The following POU6F2 variants were observed in gnomAD, a reference collection of about 807,000 sequenced individuals.
The protein encoded by POU6F2 is POU class 6 homeobox 2, also known as POU domain, class 6, transcription factor 2.
POU6F2 carries 31 observed loss-of-function variants against 71.3 expected under a neutral mutation model. The ratio of observed to expected loss-of-function variants is 0.43; its 90% CI spans 0.33 to 0.59. The LOEUF is 0.59. Among genes scored for constraint, POU6F2 ranks in the 20% least tolerant of loss-of-function variants. POU6F2 has a pLI of 0.04. For synonymous variants in POU6F2, 347 were observed against 355.7 expected (o/e 0.98, Z 0.27); for missense variants, 783 against 856.8 (o/e 0.91, Z 1.07).
At chr7:39,300,731 A>C (rs1784936540) in intron 4 of POU6F2, among the ~76,000 whole-genome samples, 2 of 152,014 alleles carry the variant, frequency 1.3e-5, no homozygotes, top group Admixed American at 1.3e-4. Context: ...GTCCATGTCT[A>C]AATTTCCTCT....
intron 4 of POU6F2, among the ~76,000 whole-genome samples, chr7:39,327,205 G>T (rs1785522419): frequency 6.6e-6 from 1 of 151,700 alleles, no homozygotes; most frequent in African/African-American, 2.4e-5. Flanking sequence ...CGTGAACCCA[G>T]GAGGTGGAGC....
intron 4 of POU6F2, among the ~76,000 whole-genome samples, chr7:39,213,882 C>A (rs959632222): frequency 7.2e-5 from 11 of 152,224 alleles, no homozygotes; most frequent in Non-Finnish European, 1.5e-4. Flanking sequence ...CTTGGCCACA[C>A]CCCTGGGAGA....
At chr7:39,022,709 A>G (rs1281685655) in intron 1 of POU6F2, among the ~76,000 whole-genome samples, 1 of 151,534 alleles carries the variant, frequency 6.6e-6, no homozygotes, top group East Asian at 1.9e-4. Context: ...CGCTTTTTCC[A>G]TCTTTTTTCT....
chr7:38,996,384 T>A (rs1584486978), intron 1 of POU6F2, among the ~76,000 whole-genome samples: 1 of 152,130 alleles, frequency 6.6e-6, no homozygotes, highest in East Asian at 1.9e-4. Context: ...CCCAGTTTTC[T>A]TACCTCTCTT....
intron 4 of POU6F2, among the ~76,000 whole-genome samples, chr7:39,235,100 A>G (rs62453433): frequency 1.1e-4 from 16 of 152,126 alleles, no homozygotes; most frequent in Admixed American, 5.2e-4. Context: ...TCAGCCCCTT[A>G]TGTTCCAGGA....
At chr7:39,171,389 T>C (rs2128739162) in intron 2 of POU6F2, among the ~76,000 whole-genome samples, 1 of 152,326 alleles carries the variant, frequency 6.6e-6, no homozygotes, top group South Asian at 2.1e-4. Context: ...GTAGTTATAC[T>C]TAAAGGTGGA....
At chr7:39,423,006 A>G (rs887060078) in intron 6 of POU6F2, among the ~76,000 whole-genome samples, 1 of 152,234 alleles carries the variant, frequency 6.6e-6, no homozygotes, top group Admixed American at 6.5e-5. Context: ...CCATATCTGT[A>G]GAATTCTAAT....
intron 4 of POU6F2, among the ~76,000 whole-genome samples, chr7:39,255,685 C>G (rs1020441725): frequency 5.9e-5 from 9 of 152,186 alleles, no homozygotes; most frequent in Non-Finnish European, 1.2e-4. Context: ...TCATCATAAG[C>G]CGTCTAACTT....
chr7:39,137,012 CAAAAAAA>C (rs11344179), intron 2 of POU6F2, among the ~76,000 whole-genome samples: 2 of 82,232 alleles, frequency 2.4e-5, no homozygotes, highest in African/African-American at 5.4e-5. Context: ...GAGACCCTGT[CAAAAAAA>C]AAAAAAAAAA....
At chr7:39,172,322 A>G (rs566940102) in intron 2 of POU6F2, among the ~76,000 whole-genome samples, 3 of 152,220 alleles carry the variant, frequency 2.0e-5, no homozygotes, top group Non-Finnish European at 1.5e-5. Context: ...ATTTCCTCCT[A>G]TGAGTCACTG....
At chr7:39,004,585 C>T (rs1789004862) in intron 1 of POU6F2, among the ~76,000 whole-genome samples, 2 of 152,140 alleles carry the variant, frequency 1.3e-5, no homozygotes. Context: ...AGAGGAGGCC[C>T]TCAATAAATA....
At chr7:39,064,664 T>C (rs114533126) in intron 1 of POU6F2, among the ~76,000 whole-genome samples, 158 of 152,056 alleles carry the variant, frequency 1.0e-3, no homozygotes, top group Middle Eastern at 0.01. Flanking sequence ...CTCTGTAAGA[T>C]ATGAATAGCA....
At chr7:39,389,256 T>C (rs1269478754) in intron 5 of POU6F2, among the ~76,000 whole-genome samples, 1 of 152,180 alleles carries the variant, frequency 6.6e-6, no homozygotes, top group Non-Finnish European at 1.5e-5. Context: ...CCAAGAACAA[T>C]AGTTCTACAT....
chr7:39,184,731 T>A (rs935485416), intron 2 of POU6F2, among the ~76,000 whole-genome samples: 7 of 152,222 alleles, frequency 4.6e-5, no homozygotes, highest in Non-Finnish European at 1.0e-4. Context: ...TCTTTGGTTT[T>A]CTTACATAAA....
At chr7:39,130,499 G>C (rs1254397727) in intron 2 of POU6F2, among the ~76,000 whole-genome samples, 1 of 152,216 alleles carries the variant, frequency 6.6e-6, no homozygotes, top group East Asian at 1.9e-4. Context: ...GCTGAGCTAA[G>C]TGTGCTGTGG....
chr7:39,062,981 C>T (rs181405905), intron 1 of POU6F2, among the ~76,000 whole-genome samples: 1 of 152,068 alleles, frequency 6.6e-6, no homozygotes, highest in Non-Finnish European at 1.5e-5. Flanking sequence ...TGGCGATCAG[C>T]TTCAGTGAGC....
chr7:39,216,760 A>C (rs1794251229), intron 4 of POU6F2, among the ~76,000 whole-genome samples: 1 of 152,198 alleles, frequency 6.6e-6, no homozygotes, highest in Admixed American at 6.5e-5. Flanking sequence ...TTAAATACAA[A>C]ACTGCTAATG....
chr7:39,114,900 G>T (rs558618193), intron 2 of POU6F2, among the ~76,000 whole-genome samples: 13 of 152,128 alleles, frequency 8.5e-5, no homozygotes, highest in Non-Finnish European at 1.9e-4. Flanking sequence ...AGATAGGTGA[G>T]CACATAGACA....
At chr7:39,116,517 A>G (rs1791933392) in intron 2 of POU6F2, among the ~76,000 whole-genome samples, 1 of 152,232 alleles carries the variant, frequency 6.6e-6, no homozygotes, top group Non-Finnish European at 1.5e-5. Flanking sequence ...CCTTTGAAAT[A>G]AATATTATCA....
Sources: gnomAD v4.1 joint callset for allele counts (sites outside exome capture counted in the v4.1 genomes callset) on GRCh38, gnomAD v4.1.1 for gene constraint, MANE v1.5 for transcripts, NCBI Gene and HGNC (gene_info 2026-07-23, HGNC 2026-07-21) for gene names.